WBP2: variants seen among roughly 807,000 people sequenced by gnomAD.
The protein encoded by WBP2 is WW domain-binding protein 2.
WBP2 carries 23 observed loss-of-function variants against 33.0 expected under a neutral mutation model. The ratio of observed to expected loss-of-function variants is 0.70; its 90% CI spans 0.50 to 0.99. The LOEUF (loss-of-function observed/expected upper bound fraction) is 0.99. WBP2 is among the 50% of genes least tolerant of loss of function. WBP2 has a pLI of 0.00. For synonymous variants in WBP2, 153 were observed against 133.5 expected, an observed-to-expected ratio of 1.15 and a Z score of -1.01; for missense variants, 353 against 358.0, an observed-to-expected ratio of 0.99 and a Z score of 0.11.
intron 1 of WBP2, chr17:75,852,050 G>A (rs1410360481): frequency 5.3e-6 from 1 of 187,830 alleles, no homozygotes; most frequent in African/African-American, 2.3e-5. Context: ...GTTGCAGTGA[G>A]CTGAGATGGC....
At chr17:75,856,098 C>T (rs1222674807), upstream of WBP2, among the ~76,000 whole-genome samples, 1 of 152,222 alleles carries the variant, frequency 6.6e-6, no homozygotes, top group African/African-American at 2.4e-5. Flanking sequence ...GGGTCCCGGC[C>T]GGAAGACTGA....
intron 4 of WBP2, 108 bp downstream of exon 4, chr17:75,848,462 A>T: frequency 9.4e-7 from 1 of 1,061,030 alleles, no homozygotes; most frequent in Non-Finnish European, 1.4e-6. Context: ...GTGCCCAAAC[A>T]CTTACCTCTT....
At chr17:75,850,137 T>C (rs929121150) in intron 2 of WBP2, among the ~76,000 whole-genome samples, 4 of 152,076 alleles carry the variant, frequency 2.6e-5, no homozygotes, top group Non-Finnish European at 5.9e-5. Context: ...GAACTGAGAA[T>C]GATGGTGCAG....
upstream of WBP2, chr17:75,855,344 G>A (rs771302075): frequency 3.8e-6 from 6 of 1,598,178 alleles, no homozygotes; most frequent in African/African-American, 5.4e-5. Context: ...ATGAGCTTGC[G>A]CCCCTCTTCG....
At chr17:75,847,175 T>C in intron 6 of WBP2, 191 bp from the exon 7 acceptor site, 1 of 688,140 alleles carries the variant, frequency 1.5e-6, no homozygotes, top group Non-Finnish European at 2.5e-6. Context: ...ATCGCATGTC[T>C]CACCTCATCT....
Position 75,845,815 on chromosome 17 carries a change from C to T in WBP2, c.*919G>A, listed in dbSNP as rs2064986130. 6.6e-6 allele frequency: 1 copy of T among 152,534 alleles called. No homozygotes were observed. Among genetic ancestry groups the T allele is most frequent in the Non-Finnish European group, 1.5e-5 (1 of 68,056 alleles). The allele number at this position is 152,534 out of a possible 1,614,324, so 9.4% of individuals were successfully genotyped here. A position where few individuals can be genotyped will look rare whatever the true frequency, so the allele number is the denominator to read the frequency against. On this transcript the variant is annotated 3_prime_UTR_variant, in exon 8 of 8. Transcript: ENST00000254806. ...TTTTGTCAAATAAATAGGGAATTCT[C>T]TTTAAATAACCATCTCCTCACTTCA...
chr17:75,847,249 G>A (rs543387740), intron 6 of WBP2: 6 of 707,536 alleles, frequency 8.5e-6, no homozygotes, highest in East Asian at 2.7e-5. Flanking sequence ...TGAGAGGATC[G>A]AGAGGCACAC....
At position 75,854,043 on chromosome 17, in the gene WBP2, TAAAAAAAAAAAAAA is replaced by T. The variant is rs55857053; in HGVS notation, c.59+1182_59+1195del. 1.4e-4 allele frequency among the ~76,000 whole-genome samples: 8 copies of T among 55,482 alleles called. No homozygotes were observed. In the South Asian group the frequency reaches 5.2e-3, roughly 36 times the overall value. 36.4% of individuals were successfully genotyped at this position (55,482 alleles called of 152,430 possible). A position where few individuals can be genotyped will look rare whatever the true frequency, so the allele number is the denominator to read the frequency against. On this transcript the variant is annotated intron_variant, in intron 1 of 7. Coordinates refer to ENST00000254806, the MANE Select transcript of WBP2 (RefSeq NM_012478.4). ...CTGGGCGACAGAGCAAGCCTCCATC[TAAAAAAAAAAAAAA>T]AAAAAAAAAAAAAAGAGAAGAGAAG...
rs1211412860 is a variant in WBP2 at position 75,851,687 on chromosome 17, A to T, written c.60-11T>A. The T allele has an allele frequency of 1.9e-6, 3 of 1,601,598 alleles. No individual in the cohort carries two copies. Among genetic ancestry groups the T allele is most frequent in the East Asian group, 4.5e-5 (2 of 44,784 alleles). The stretch of plus-strand genomic sequence containing the variant: ...TAGGACATTAGGATGCTGTGATGAG[A>T]AAAGAGGAAAAGCCTCAATGAGACA... On this transcript the variant is annotated splice_polypyrimidine_tract_variant and intron_variant, in intron 1 of 7. Coordinates refer to ENST00000254806, the MANE Select transcript of WBP2 (RefSeq NM_012478.4).
chr17:75,855,183 C>CCCCAAA, intron 1 of WBP2, 56 bp downstream of exon 1: 5 of 1,506,794 alleles, frequency 3.3e-6, no homozygotes, highest in Non-Finnish European at 3.7e-6. Context: ...CACCCACCGC[C>CCCCAAA]CACTTCCTCG....
chr17:75,847,436 G>A (rs778228323), intron 6 of WBP2, 51 bp downstream of exon 6: 57 of 1,567,894 alleles, frequency 3.6e-5, no homozygotes, highest in Non-Finnish European at 4.5e-5. Context: ...GTGCGACATC[G>A]GGGAGGAGAG....
At chr17:75,852,274 C>CA (rs199675035) in intron 1 of WBP2, 2,721 of 152,184 alleles carry the variant, frequency 0.018, 51 homozygotes, top group Middle Eastern at 0.11. Context: ...TAAAAACCAA[C>CA]AAAAAAACCC....
At chr17:75,848,756 C>G in intron 3 of WBP2, 94 bp from the exon 4 acceptor site, 3 of 1,149,194 alleles carry the variant, frequency 2.6e-6, no homozygotes, top group Non-Finnish European at 3.8e-6. Flanking sequence ...TCATCCAACG[C>G]CCGGGAGGCC....
At chr17:75,847,062 T>C in intron 6 of WBP2, 78 bp from the exon 7 acceptor site, 1 of 1,502,014 alleles carries the variant, frequency 6.7e-7, no homozygotes, top group Non-Finnish European at 9.2e-7. Flanking sequence ...CGGGCCCCCA[T>C]GGCTCGGGGC....
chr17:75,847,194 A>G (rs751987986), intron 6 of WBP2: 3 of 679,588 alleles, frequency 4.4e-6, no homozygotes, highest in Non-Finnish European at 7.5e-6. Flanking sequence ...CTAATCCTTG[A>G]GCCAATGCCC....
intron 6 of WBP2, chr17:75,847,262 G>A (rs1466613776): frequency 2.7e-6 from 2 of 750,320 alleles, no homozygotes; most frequent in South Asian, 1.8e-5. Context: ...AGGCACACAG[G>A]GTGACCTTCC....
In WBP2 at chr17:75,847,003, CT is replaced by C. The variant is rs1415605609; in HGVS notation, c.656-20del. 1 of 1,613,926 alleles carries C rather than the reference CT, an allele frequency of 6.2e-7. No homozygotes were observed. Among genetic ancestry groups the C allele is most frequent in the Non-Finnish European group, 8.5e-7 (1 of 1,179,942 alleles). ...GCTTCGGCTGTGAGAGCAAACACAC[CT>C]GGTGTCGGTGACAAGTTCTCCTCCC... On this transcript the variant is annotated intron_variant, in intron 6 of 7. Transcript: ENST00000254806.
At chr17:75,855,542 C>G, upstream of WBP2, 1 of 561,020 alleles carries the variant, frequency 1.8e-6, no homozygotes, top group Non-Finnish European at 3.2e-6. Flanking sequence ...CTCGGCCTGT[C>G]CCTATGCTGG....
upstream of WBP2, chr17:75,855,353 C>T: frequency 1.9e-6 from 3 of 1,594,984 alleles, no homozygotes; most frequent in South Asian, 1.1e-5. Flanking sequence ...CGCCCCTCTT[C>T]GCCCCGCCCC....
Sources: allele counts gnomAD v4.1 joint callset (sites outside exome capture counted in the v4.1 genomes callset), GRCh38; gene constraint gnomAD v4.1.1; transcripts MANE v1.5; gene names NCBI Gene and HGNC (gene_info 2026-07-23, HGNC 2026-07-21).